PLPP3: variants seen among roughly 807,000 people sequenced by gnomAD.
The protein encoded by PLPP3 is phospholipid phosphatase 3, also known as PAP2 beta.
In PLPP3, 6 loss-of-function variants were observed where a neutral mutation model predicts 29.6. The ratio of observed to expected loss-of-function variants is 0.20; its 90% CI spans 0.11 to 0.40. The LOEUF (loss-of-function observed/expected upper bound fraction) is 0.40. PLPP3 is among the 10% of genes least tolerant of loss of function. PLPP3 has a pLI of 1.00. For synonymous variants in PLPP3, 152 were observed against 159.7 expected (o/e 0.95, Z 0.36); for missense variants, 308 against 407.7 (o/e 0.76, Z 2.11).
intron 1 of PLPP3, among the ~76,000 whole-genome samples, chr1:56,573,735 C>G (rs902642881): frequency 6.6e-6 from 1 of 152,210 alleles, no homozygotes; most frequent in Non-Finnish European, 1.5e-5. Context: ...CTGGATTGAA[C>G]TGACACACAG....
intron 1 of PLPP3, among the ~76,000 whole-genome samples, chr1:56,566,099 A>G (rs1018365294): frequency 2.0e-5 from 3 of 152,188 alleles, no homozygotes; most frequent in Non-Finnish European, 4.4e-5. Context: ...CACTGGTGAA[A>G]GTTCAGTATG....
At chr1:56,573,247 G>A (rs939860470) in intron 1 of PLPP3, among the ~76,000 whole-genome samples, 1 of 152,100 alleles carries the variant, frequency 6.6e-6, no homozygotes, top group Admixed American at 6.5e-5. Context: ...TTAGCCTCTT[G>A]GCATTAGAAA....
At chr1:56,515,963 C>T (rs748650220) in intron 4 of PLPP3, among the ~76,000 whole-genome samples, 5 of 152,110 alleles carry the variant, frequency 3.3e-5, no homozygotes, top group South Asian at 4.2e-4. Flanking sequence ...CGGCACAGGA[C>T]GGGCACTCAG....
intron 4 of PLPP3, among the ~76,000 whole-genome samples, chr1:56,520,766 C>G (rs1343014785): frequency 6.6e-6 from 1 of 151,126 alleles, no homozygotes; most frequent in Non-Finnish European, 1.5e-5. Context: ...CAAAAATTTG[C>G]TGGGTGTGGT....
chr1:56,526,785 C>G (rs182161628), intron 2 of PLPP3, among the ~76,000 whole-genome samples: 9 of 152,334 alleles, frequency 5.9e-5, no homozygotes, highest in Admixed American at 6.5e-5. Context: ...CCATCCACCA[C>G]TAGCCTGCCA....
intron 1 of PLPP3, among the ~76,000 whole-genome samples, chr1:56,541,592 G>A (rs1169129316): frequency 1.3e-5 from 2 of 152,092 alleles, no homozygotes; most frequent in Non-Finnish European, 2.9e-5. Context: ...AATACATTAA[G>A]CCACCCTAAG....
chr1:56,537,143 G>T (rs773051075), intron 1 of PLPP3, 31 bp from the exon 2 acceptor site: 3 of 1,515,976 alleles, frequency 2.0e-6, no homozygotes, highest in Middle Eastern at 2.0e-4. Flanking sequence ...GCATATACCA[G>T]AAAAAAAAAG....
intron 1 of PLPP3, among the ~76,000 whole-genome samples, chr1:56,571,866 T>G (rs919941175): frequency 1.3e-4 from 20 of 152,102 alleles, no homozygotes; most frequent in African/African-American, 4.8e-4. Flanking sequence ...GGTGCCCTTG[T>G]GCAAGTTACT....
rs1188626034 is a variant in PLPP3 at position 56,495,382 on chromosome 1, ACT to A, written c.*1167_*1168del. The stretch of plus-strand genomic sequence containing the variant: ...CACTTACGGATAGAGGATGAGGGAA[ACT>A]CTCTACCGAGATTTAACCCATATGT... On this transcript the variant is annotated 3_prime_UTR_variant, in exon 6 of 6. Coordinates refer to ENST00000371250, the MANE Select transcript of PLPP3 (RefSeq NM_003713.5). 2 of 152,496 alleles carry A rather than the reference ACT, an allele frequency of 1.3e-5. No individual in the cohort carries two copies. The highest frequency in any genetic ancestry group is 2.9e-5 in the Non-Finnish European group (2 of 68,024). The allele number at this position is 152,496 out of a possible 1,614,324, so 9.4% of individuals were successfully genotyped here.
intron 2 of PLPP3, among the ~76,000 whole-genome samples, chr1:56,527,892 G>T (rs973031971): frequency 3.3e-5 from 5 of 152,122 alleles, no homozygotes; most frequent in Non-Finnish European, 7.4e-5. Flanking sequence ...TCGAGTCCCA[G>T]ATTTACTGCT....
chr1:56,564,814 G>A (rs12046509), intron 1 of PLPP3, among the ~76,000 whole-genome samples: 169 of 152,258 alleles, frequency 1.1e-3, no homozygotes, highest in Non-Finnish European at 2.0e-3. Context: ...CCCTCCTGCG[G>A]TGTCACTGGA....
rs148766697 is a variant in PLPP3 at position 56,524,495 on chromosome 1, C to G, written c.357G>C (p.Gln119His). The change falls in exon 3 of 6, where the codon CAG becomes CAC. Residue 119 changes from glutamine (Q) to histidine (H), a missense_variant. Around this residue, in one of 3 missense-constraint regions of PLPP3, gnomAD observed 232 missense variants for 317.2 expected, o/e 0.73. Transcript: ENST00000371250. The surrounding 1 kb of genome is among the most constrained non-coding windows in gnomAD (Gnocchi z 4.3). ...TATAGAGTGCTGCCACGTAGGGGTT[C>G]TGAATCGTCGACCGCGACTTCTTCA... ...YYLKKSRSTI[Q>H]NPYVAALYKQ... The G allele has an allele frequency of 9.2e-5, 148 of 1,613,436 alleles. No individual in the cohort carries two copies. The highest frequency in any genetic ancestry group is 1.2e-4 in the Non-Finnish European group (136 of 1,179,496).
In PLPP3 at chr1:56,577,857, C is replaced by A. The variant is rs566947962; in HGVS notation, c.139+1021G>T. Reference sequence around the variant, plus strand: ...TGAGGCAGTTAAGTGGCACACCCAGCAAGTGGCAAGAGTGGCAGTGTTCTG... The same window carrying A: ...TGAGGCAGTTAAGTGGCACACCCAGAAAGTGGCAAGAGTGGCAGTGTTCTG... On this transcript the variant is annotated intron_variant, in intron 1 of 5. Coordinates refer to ENST00000371250, the MANE Select transcript of PLPP3 (RefSeq NM_003713.5). 3.3e-5 allele frequency among the ~76,000 whole-genome samples: 5 copies of A among 151,998 alleles called. No homozygotes were observed. In the South Asian group the frequency reaches 1.0e-3, roughly 32 times the overall value.
chr1:56,533,387 T>C (rs956410131), intron 2 of PLPP3, among the ~76,000 whole-genome samples: 2 of 152,134 alleles, frequency 1.3e-5, no homozygotes, highest in Non-Finnish European at 2.9e-5. Context: ...AGAGACAACA[T>C]GCAGCTGGTT....
chr1:56,575,843 T>C (rs1248941492), intron 1 of PLPP3, among the ~76,000 whole-genome samples: 5 of 152,196 alleles, frequency 3.3e-5, no homozygotes, highest in African/African-American at 9.7e-5. Flanking sequence ...GTTCCTCCCT[T>C]CTTACCTGGG....
intron 1 of PLPP3, among the ~76,000 whole-genome samples, chr1:56,570,500 T>C (rs1238174113): frequency 6.6e-6 from 1 of 152,240 alleles, no homozygotes; most frequent in African/African-American, 2.4e-5. Flanking sequence ...CAAAAGAGTC[T>C]GAAGTGCGTT....
At chr1:56,540,872 G>C (rs1260944921) in intron 1 of PLPP3, among the ~76,000 whole-genome samples, 1 of 152,148 alleles carries the variant, frequency 6.6e-6, no homozygotes, top group Admixed American at 6.5e-5. Context: ...CCAGGACACA[G>C]AGAAGAGGCT....
At chr1:56,506,411 C>A (rs984302748) in intron 5 of PLPP3, among the ~76,000 whole-genome samples, 1 of 152,144 alleles carries the variant, frequency 6.6e-6, no homozygotes, top group Non-Finnish European at 1.5e-5. Flanking sequence ...AGACAAAGAA[C>A]GCCCTCGCCC....
In PLPP3 at chr1:56,572,648, T is replaced by C. The variant is rs544315628; in HGVS notation, c.139+6230A>G. On this transcript the variant is annotated intron_variant, in intron 1 of 5. Coordinates refer to ENST00000371250, the MANE Select transcript of PLPP3 (RefSeq NM_003713.5). ...CACTCTGCTTGGTGTTTTCTTGGGATTCTTCTCAGAATCTTTTTCCTTAAT... is the reference window on the plus strand; with the variant it reads ...CACTCTGCTTGGTGTTTTCTTGGGACTCTTCTCAGAATCTTTTTCCTTAAT... 3.4e-4 allele frequency among the ~76,000 whole-genome samples: 52 copies of C among 152,272 alleles called. 2 individuals carry two copies. The South Asian group carries it at 9.1e-3, about 27-fold the overall frequency.
Sources: allele counts gnomAD v4.1 joint callset (sites outside exome capture counted in the v4.1 genomes callset), GRCh38; gene constraint gnomAD v4.1.1; regional missense constraint gnomAD v4.1.1; non-coding constraint Gnocchi (gnomAD v3.1); transcripts MANE v1.5; gene names NCBI Gene and HGNC (gene_info 2026-07-23, HGNC 2026-07-21).